Variants in PEPD observed in about 807,000 individuals in gnomAD.
The protein encoded by PEPD is peptidase D.
In PEPD, 53 loss-of-function variants were observed where a neutral mutation model predicts 60.7. The observed-to-expected ratio is 0.87, with a 90% CI of 0.70 to 1.10. PEPD has a LOEUF of 1.10. Among genes scored for constraint, PEPD ranks in the 50% least tolerant of loss-of-function variants. The pLI, the probability that PEPD is intolerant of heterozygous loss-of-function variation, is 0.00. For synonymous variants in PEPD, 267 were observed against 284.1 expected (o/e 0.94, Z 0.60); for missense variants, 711 against 711.9 (o/e 1.00, Z 0.01).
rs369759038 is a variant in PEPD at position 33,401,703 on chromosome 19, C to G, written c.967+18G>C. On this transcript the variant is annotated intron_variant, in intron 12 of 14. Transcript: ENST00000244137. ...ACGCCACGTCAGATGCGCCTCCCCC[C>G]ACCGACCCGCTGCTCACCTGGCTTC... The G allele has an allele frequency of 1.1e-4, 180 of 1,600,500 alleles. 1 individual carries two copies. In the East Asian group the frequency reaches 3.3e-3, roughly 29 times the overall value.
rs576285062 is a variant in PEPD at position 33,441,603 on chromosome 19, G to A, written c.671+21392C>T. On this transcript the variant is annotated intron_variant, in intron 9 of 14. Transcript: ENST00000244137. ...AGCCCTGTTCCTTCCCTTCACTCAG[G>A]AGCATTTATGAGCGCCTGCTGTATG... Among the ~76,000 whole-genome samples, 20 of 152,276 alleles carry A rather than the reference G, an allele frequency of 1.3e-4. No individual in the cohort carries two copies. In the South Asian group the frequency reaches 3.9e-3, roughly 30 times the overall value.
chr19:33,392,545 G>A (rs917533019), intron 12 of PEPD, among the ~76,000 whole-genome samples: 6 of 152,210 alleles, frequency 3.9e-5, no homozygotes, highest in African/African-American at 7.2e-5. Flanking sequence ...GGCCAGGCAC[G>A]TGGCGGGGGG....
chr19:33,459,290 A>ATC (rs937378495), intron 9 of PEPD, among the ~76,000 whole-genome samples: 24 of 152,204 alleles, frequency 1.6e-4, no homozygotes, highest in African/African-American at 5.5e-4. Context: ...TCAGAGAGAA[A>ATC]GAGCATAATT....
intron 4 of PEPD, among the ~76,000 whole-genome samples, chr19:33,499,617 T>C (rs955491629): frequency 2.0e-5 from 3 of 152,214 alleles, no homozygotes; most frequent in African/African-American, 4.8e-5. Context: ...TCAGCGTCCA[T>C]GGTGTCCACA....
At chr19:33,401,614 C>T (rs1418120945) in intron 12 of PEPD, 107 bp downstream of exon 12, 2 of 1,044,492 alleles carry the variant, frequency 1.9e-6, no homozygotes, top group Admixed American at 4.0e-5. Flanking sequence ...TGGAGTGTGG[C>T]AGATTCAAGT....
chr19:33,440,789 A>G (rs1033659664), intron 9 of PEPD, among the ~76,000 whole-genome samples: 1 of 152,186 alleles, frequency 6.6e-6, no homozygotes, highest in Admixed American at 6.5e-5. Context: ...AGCTTCACAG[A>G]TGGGATTCCT....
chr19:33,438,473 T>G (rs1277785105), intron 9 of PEPD, among the ~76,000 whole-genome samples: 2 of 152,248 alleles, frequency 1.3e-5, no homozygotes, highest in Admixed American at 6.5e-5. Flanking sequence ...TTATGAGGTC[T>G]GATGCCAAGA....
chr19:33,438,170 G>A (rs1969416692), intron 9 of PEPD, among the ~76,000 whole-genome samples: 1 of 152,200 alleles, frequency 6.6e-6, no homozygotes, highest in African/African-American at 2.4e-5. Context: ...GCAGACCCAG[G>A]GTGCTGGGTT....
At chr19:33,468,322 T>C (rs1970057877) in intron 7 of PEPD, among the ~76,000 whole-genome samples, 3 of 152,160 alleles carry the variant, frequency 2.0e-5, no homozygotes, top group Admixed American at 1.3e-4. Context: ...AAAGCTGGAG[T>C]GTCTGAGGAT....
At chr19:33,516,363 T>C (rs1298132500) in intron 1 of PEPD, among the ~76,000 whole-genome samples, 2 of 151,908 alleles carry the variant, frequency 1.3e-5, no homozygotes, top group Non-Finnish European at 2.9e-5. Context: ...GGTCCCAGGG[T>C]AAATAAGCCA....
chr19:33,456,720 G>T (rs889603756), intron 9 of PEPD, among the ~76,000 whole-genome samples: 2 of 152,076 alleles, frequency 1.3e-5, no homozygotes, highest in Non-Finnish European at 2.9e-5. Flanking sequence ...TCTTACCTGG[G>T]GGCTCCGGTC....
chr19:33,417,651 T>C (rs1968917926), intron 9 of PEPD, among the ~76,000 whole-genome samples: 1 of 152,118 alleles, frequency 6.6e-6, no homozygotes, highest in East Asian at 1.9e-4. Context: ...TGGTGCCTGG[T>C]ACCCAAGGAG....
intron 2 of PEPD, 107 bp downstream of exon 2, chr19:33,512,486 G>A: frequency 9.5e-7 from 1 of 1,053,438 alleles, no homozygotes; most frequent in Admixed American, 1.8e-5. Flanking sequence ...AGAGGCTCAG[G>A]GAGGGCCACA....
At chr19:33,451,662 T>C (rs1482187376) in intron 9 of PEPD, among the ~76,000 whole-genome samples, 1 of 152,156 alleles carries the variant, frequency 6.6e-6, no homozygotes, top group Non-Finnish European at 1.5e-5. Context: ...TGCTGCACCT[T>C]ATAAACAACC....
rs1187915343 is a variant in PEPD, at chr19:33,427,166, C to T, written c.672-13523G>A. On this transcript the variant is annotated intron_variant, in intron 9 of 14. Coordinates refer to ENST00000244137, the MANE Select transcript of PEPD (RefSeq NM_000285.4). ...AGATGATGAATGGGGGTGGCAGTCA[C>T]GCCGCCCCTACAGAGAGCAGCCTTG... Among the ~76,000 whole-genome samples the T allele has an allele frequency of 4.6e-5, 7 of 152,332 alleles. No homozygotes were observed. In the East Asian group the frequency reaches 1.2e-3, roughly 25 times the overall value.
At chr19:33,502,851 T>A (rs929936316) in intron 3 of PEPD, among the ~76,000 whole-genome samples, 2 of 151,874 alleles carry the variant, frequency 1.3e-5, no homozygotes, top group African/African-American at 2.4e-5. Flanking sequence ...CATTCTTTCG[T>A]TGCTTCATTC....
chr19:33,396,563 G>A (rs903551686), intron 12 of PEPD, among the ~76,000 whole-genome samples: 7 of 152,164 alleles, frequency 4.6e-5, no homozygotes, highest in African/African-American at 1.7e-4. Flanking sequence ...CCAGGAGCGG[G>A]GGAACGAAAC....
In PEPD at chr19:33,485,363, C is replaced by T. The variant is rs900543357; in HGVS notation, c.503+4633G>A. Among the ~76,000 whole-genome samples, 12 of 152,086 alleles carry T rather than the reference C, an allele frequency of 7.9e-5. No homozygotes were observed. The South Asian group carries it at 1.7e-3, about 21-fold the overall frequency. ...CAAAAATTAGCCACGTGTGGTGGTG[C>T]GCACCTGTAATCCCAGCTACCTGGG... On this transcript the variant is annotated intron_variant, in intron 6 of 14. Transcript: ENST00000244137.
At chr19:33,462,831 G>C in intron 9 of PEPD, 164 bp downstream of exon 9, 3 of 694,212 alleles carry the variant, frequency 4.3e-6, no homozygotes, top group Non-Finnish European at 7.9e-6. Flanking sequence ...GGAGGCGGGC[G>C]CAGTCAGAAG....
Sources: gnomAD v4.1 joint callset for allele counts (sites outside exome capture counted in the v4.1 genomes callset) on GRCh38, gnomAD v4.1.1 for gene constraint, MANE v1.5 for transcripts, NCBI Gene and HGNC (gene_info 2026-07-23, HGNC 2026-07-21) for gene names.